Variants in KCNC4 observed in about 807,000 individuals in gnomAD.
The protein encoded by KCNC4 is potassium voltage-gated channel subfamily C member 4, also known as voltage-gated potassium channel KCNC4.
KCNC4 carries 23 observed loss-of-function variants against 42.8 expected under a neutral mutation model. That is an observed-to-expected ratio of 0.54 (90% CI 0.39 to 0.76). KCNC4 has a LOEUF of 0.76. Among genes scored for constraint, KCNC4 ranks in the 30% least tolerant of loss-of-function variants. KCNC4 has a pLI of 0.00. For missense variants in KCNC4, 751 were observed against 898.2 expected (o/e 0.84, Z 2.10); for synonymous variants, 422 against 393.5 (o/e 1.07, Z -0.86).
chr1:110,227,401 G>A (rs1303072875), intron 3 of KCNC4, among the ~76,000 whole-genome samples: 2 of 152,236 alleles, frequency 1.3e-5, no homozygotes, highest in Admixed American at 1.3e-4. Context: ...CCCCTGAAAG[G>A]TGTGTGTCCA....
rs909824049 is a variant in KCNC4, at chr1:110,223,966, C to T, written c.1615+66C>T. 1 of 1,253,170 alleles carries T rather than the reference C, an allele frequency of 8.0e-7. No homozygotes were observed. Among genetic ancestry groups the T allele is most frequent in the Non-Finnish European group, 1.1e-6 (1 of 900,008 alleles). 77.6% of individuals were successfully genotyped at this position (1,253,170 alleles called of 1,614,324 possible). A position where few individuals can be genotyped will look rare whatever the true frequency, so the allele number is the denominator to read the frequency against. ...GTGGCCTAGGGAGTTTCCAAATGGA[C>T]CTCAGACCTTGGGATTTGGCATGTG... On this transcript the variant is annotated intron_variant, in intron 2 of 3. Coordinates refer to ENST00000438661, the MANE Select transcript of KCNC4 (RefSeq NM_001039574.3). This position sits in a 1 kb window ranked among gnomAD's most constrained non-coding sequence, Gnocchi z 7.5.
intron 3 of KCNC4, among the ~76,000 whole-genome samples, chr1:110,228,168 G>A (rs1346227367): frequency 6.6e-6 from 1 of 152,208 alleles, no homozygotes; most frequent in African/African-American, 2.4e-5. Context: ...AGGAGTGAGT[G>A]GGTCTGGGCC....
chr1:110,243,765 G>C (rs1476694602), exon 4 of KCNC4: 1 of 152,320 alleles, frequency 6.6e-6, no homozygotes, highest in Non-Finnish European at 1.5e-5. Context: ...AGAGGCTGCG[G>C]GGCCTAAAAT....
At chr1:110,268,621 A>AG (rs1293635877) in intron 1 of KCNC4, among the ~76,000 whole-genome samples, 3 of 148,822 alleles carry the variant, frequency 2.0e-5, no homozygotes, top group Non-Finnish European at 4.4e-5. Flanking sequence ...AAAAAAAAAA[A>AG]AAAAAAGAAA....
chr1:110,223,782 G>T lies in KCNC4; in HGVS notation c.1497G>T (p.Pro499=). 6.2e-7 allele frequency: 1 copy of T among 1,614,142 alleles called. No individual in the cohort carries two copies. Among genetic ancestry groups the T allele is most frequent in the Non-Finnish European group, 8.5e-7 (1 of 1,180,022 alleles). The change falls in exon 2 of 4, where the codon CCG becomes CCT. Residue 499 remains proline (P), a synonymous_variant. Transcript: ENST00000438661. The surrounding 1 kb of genome is among the most constrained non-coding windows in gnomAD (Gnocchi z 7.5). ...AACGGAAGAAGCACGTGCCACGGCC[G>T]GCGCAGCTGGAGTCACCCATGTACT... is the stretch of plus-strand genomic sequence containing the variant. The part of the protein sequence containing the change: ...PKKRKKHVPR[P]AQLESPMYCK...
chr1:110,252,162 T>C (rs1162831655), downstream of KCNC4, among the ~76,000 whole-genome samples: 1 of 152,204 alleles, frequency 6.6e-6, no homozygotes, highest in Non-Finnish European at 1.5e-5. Context: ...ATTTATCTTA[T>C]CAGGCATTGG....
At chr1:110,214,146 C>A (rs560686866) in intron 1 of KCNC4, among the ~76,000 whole-genome samples, 1 of 152,348 alleles carries the variant, frequency 6.6e-6, no homozygotes, top group East Asian at 1.9e-4. Context: ...GGTGCTTTGC[C>A]CCTTTGACAT....
chr1:110,270,845 C>A (rs773025884), intron 1 of KCNC4, among the ~76,000 whole-genome samples: 47 of 152,316 alleles, frequency 3.1e-4, no homozygotes, highest in Non-Finnish European at 6.3e-4. Flanking sequence ...CATTTTTCAG[C>A]CCCTGCAGAC....
chr1:110,223,617 C>T lies in KCNC4; in HGVS notation c.1332C>T (p.Pro444=), dbSNP rs1404200657. ...MTTLGYGDMY[P]KTWSGMLVGA... is the part of the protein sequence containing the mutation. ...CACTGGGCTACGGAGACATGTACCC[C>T]AAGACGTGGTCAGGCATGCTGGTAG... Residue 444 remains proline (P), a synonymous_variant, in exon 2 of 4, where the codon CCC becomes CCT. Coordinates refer to ENST00000438661, the MANE Select transcript of KCNC4 (RefSeq NM_001039574.3). This position sits in a 1 kb window ranked among gnomAD's most constrained non-coding sequence, Gnocchi z 7.5. The T allele has an allele frequency of 5.6e-6, 9 of 1,614,002 alleles. No individual in the cohort carries two copies. In the African/African-American group the frequency reaches 1.1e-4, roughly 19 times the overall value.
chr1:110,237,153 A>G (rs1369095245), downstream of KCNC4: 1 of 152,076 alleles, frequency 6.6e-6, no homozygotes, highest in Non-Finnish European at 1.5e-5. Context: ...ACACAAAAAA[A>G]AAGAAAAAGA....
rs1373837979 is a variant in KCNC4, at chr1:110,211,445, GAAGGGTGTTTGGAGGGC to G, written c.-53_-37del. 30 of 1,543,496 alleles carry G rather than the reference GAAGGGTGTTTGGAGGGC, an allele frequency of 1.9e-5. No individual in the cohort carries two copies. The Admixed American group carries it at 5.7e-4, about 29-fold the overall frequency. On this transcript the variant is annotated 5_prime_UTR_variant, in exon 1 of 4. Transcript: ENST00000438661. The surrounding 1 kb of genome is among the most constrained non-coding windows in gnomAD (Gnocchi z 6.5). ...CCCCCGTCTGACGCTGCCTCCTCGG[GAAGGGTGTTTGGAGGGC>G]AGCGGCCGCCCCAAGCCGGAGCCCC... is the stretch of plus-strand genomic sequence containing the variant.
chr1:110,252,127 C>G (rs1048233006), downstream of KCNC4, among the ~76,000 whole-genome samples: 2 of 152,218 alleles, frequency 1.3e-5, no homozygotes, highest in African/African-American at 4.8e-5. Flanking sequence ...GTGCCCAGAA[C>G]CCAGTAAGCC....
chr1:110,217,058 A>G (rs1657835385), intron 1 of KCNC4, among the ~76,000 whole-genome samples: 1 of 152,166 alleles, frequency 6.6e-6, no homozygotes, highest in African/African-American at 2.4e-5. Flanking sequence ...TACCATACAC[A>G]TGTGGGGTTC....
At chr1:110,213,170 TAAAAAAAAAAAA>T (rs760587471) in intron 1 of KCNC4, among the ~76,000 whole-genome samples, 25 of 50,848 alleles carry the variant, frequency 4.9e-4, no homozygotes, top group African/African-American at 1.4e-3. Context: ...CTTCGACAGC[TAAAAAAAAAAAA>T]AAAAAAAAAA....
At chr1:110,272,715 G>GAGAAAAT (rs1553218486) in intron 1 of KCNC4, 2 of 151,800 alleles carry the variant, frequency 1.3e-5, no homozygotes, top group African/African-American at 4.8e-5. Flanking sequence ...AAGAGAAAAA[G>GAGAAAAT]AGGGGTTGGG....
Position 110,212,307 on chromosome 1 carries a change from C to T in KCNC4, c.678+130C>T, listed in dbSNP as rs549685592. 1.2e-3 allele frequency: 1,180 copies of T among 988,740 alleles called. 3 individuals carry two copies. The highest frequency in any genetic ancestry group is 0.01 in the Middle Eastern group (35 of 3,456). 61.2% of individuals were successfully genotyped at this position (988,740 alleles called of 1,614,324 possible). A position where few individuals can be genotyped will look rare whatever the true frequency, so the allele number is the denominator to read the frequency against. On this transcript the variant is annotated intron_variant, in intron 1 of 3. Coordinates refer to ENST00000438661, the MANE Select transcript of KCNC4 (RefSeq NM_001039574.3). ...ACCACCGCAGATTGTTCCCGCCTTC[C>T]TCTCAACCCCCCTCCGTGGCTCGCA...
rs200333109 is a variant in KCNC4, at chr1:110,268,134, A to AT, written n.31-14392dup. Among the ~76,000 whole-genome samples, 1,478 of 152,106 alleles carry AT rather than the reference A, an allele frequency of 9.7e-3. 19 individuals are homozygous for AT. The highest frequency in any genetic ancestry group is 0.034 in the African/African-American group (1,419 of 41,466). On this transcript the variant is annotated intron_variant and non_coding_transcript_variant, in intron 1 of 2. Transcript: ENST00000412512. ...CATATGTATCTGAGATATTTTTGAG[A>AT]TTTTTTTTCAGATTTGGCATTTTGG...
At chr1:110,229,942 A>G (rs1007698644) in intron 3 of KCNC4, among the ~76,000 whole-genome samples, 4 of 152,236 alleles carry the variant, frequency 2.6e-5, no homozygotes, top group Non-Finnish European at 4.4e-5. Context: ...AGTAAGGTCC[A>G]GATCTGCTCC....
rs114870160 is a variant in KCNC4, at chr1:110,224,197, C to T, written c.1615+297C>T. 117 of 372,592 alleles carry T rather than the reference C, an allele frequency of 3.1e-4. 2 individuals are homozygous for T. The highest frequency in any genetic ancestry group is 2.2e-3 in the African/African-American group (108 of 49,664). The allele number at this position is 372,592 out of a possible 1,614,324, so 23.1% of individuals were successfully genotyped here. ...CTGGTTTTAAATCCAATCTTGGCCA[C>T]TGTGCTGTGTGCCCTGAGGCCAGTC... On this transcript the variant is annotated intron_variant, in intron 2 of 3. Transcript: ENST00000438661.
Sources: gnomAD v4.1 joint callset for allele counts (sites outside exome capture counted in the v4.1 genomes callset) on GRCh38, gnomAD v4.1.1 for gene constraint, Gnocchi (gnomAD v3.1) non-coding constraint, MANE v1.5 for transcripts, NCBI Gene and HGNC (gene_info 2026-07-23, HGNC 2026-07-21) for gene names.